Variants in KCTD16 observed in about 807,000 individuals in gnomAD.
KCTD16 encodes the protein potassium channel tetramerization domain containing 16.
In KCTD16, 13 loss-of-function variants were observed where a neutral mutation model predicts 33.2. The observed-to-expected ratio is 0.39, with a 90% CI of 0.25 to 0.62. The LOEUF (loss-of-function observed/expected upper bound fraction) is 0.62, where lower values mean the gene tolerates loss of function less well. KCTD16 is among the 20% of genes least tolerant of loss of function. KCTD16 has a pLI of 0.50. For synonymous variants in KCTD16, 197 were observed against 195.3 expected, an observed-to-expected ratio of 1.01 and a Z score of -0.07; for missense variants, 441 against 525.1, an observed-to-expected ratio of 0.84 and a Z score of 1.57.
At chr5:144,430,143 T>A (rs1421045881) in intron 3 of KCTD16, among the ~76,000 whole-genome samples, 2 of 152,140 alleles carry the variant, frequency 1.3e-5, no homozygotes, top group African/African-American at 4.8e-5. Context: ...GTCATTGTTT[T>A]TTCTTAACAA....
At chr5:144,399,309 A>G (rs2126944816) in intron 3 of KCTD16, among the ~76,000 whole-genome samples, 1 of 152,244 alleles carries the variant, frequency 6.6e-6, no homozygotes, top group African/African-American at 2.4e-5. Flanking sequence ...GCCTACCATT[A>G]ACTAATGTTT....
intron 3 of KCTD16, among the ~76,000 whole-genome samples, chr5:144,458,259 C>T (rs1754116456): frequency 6.6e-6 from 1 of 152,144 alleles, no homozygotes; most frequent in African/African-American, 2.4e-5. Context: ...TTCAGTAACT[C>T]GTTCAGGTCA....
At chr5:144,272,927 T>G (rs1322425830) in intron 3 of KCTD16, among the ~76,000 whole-genome samples, 2 of 152,050 alleles carry the variant, frequency 1.3e-5, no homozygotes, top group Non-Finnish European at 2.9e-5. Flanking sequence ...TGGGCAAATA[T>G]TTTTTGGGCA....
rs534819724 is a variant in KCTD16, at chr5:144,306,494, G to A, written c.832+98948G>A. Among the ~76,000 whole-genome samples the A allele has an allele frequency of 2.0e-5, 3 of 152,310 alleles. No individual in the cohort carries two copies. In the South Asian group the frequency reaches 6.2e-4, roughly 32 times the overall value. On this transcript the variant is annotated intron_variant, in intron 3 of 3. Coordinates refer to ENST00000512467, the MANE Select transcript of KCTD16 (RefSeq NM_020768.4). Reference sequence around the variant, plus strand: ...ACCACTGGTGGAGCTAAGCTCAAGGGCCAGGAAGTACACATCCCACTTTAT... The same window carrying A: ...ACCACTGGTGGAGCTAAGCTCAAGGACCAGGAAGTACACATCCCACTTTAT...
intron 3 of KCTD16, among the ~76,000 whole-genome samples, chr5:144,472,496 G>T (rs1195748651): frequency 6.6e-6 from 1 of 152,108 alleles, no homozygotes; most frequent in Non-Finnish European, 1.5e-5. Context: ...GGGAGAAGAG[G>T]AACTCATATT....
chr5:144,201,504 A>ATTTTAAACCAC (rs1234275209), intron 2 of KCTD16, among the ~76,000 whole-genome samples: 1 of 152,230 alleles, frequency 6.6e-6, no homozygotes, highest in Non-Finnish European at 1.5e-5. Context: ...GAATACAGAT[A>ATTTTAAACCAC]TTTTAAACCA....
intron 3 of KCTD16, among the ~76,000 whole-genome samples, chr5:144,415,819 A>ACT (rs1753035688): frequency 6.6e-6 from 1 of 152,182 alleles, no homozygotes; most frequent in Non-Finnish European, 1.5e-5. Flanking sequence ...AAACAATACC[A>ACT]AGGAATAGGA....
intron 3 of KCTD16, among the ~76,000 whole-genome samples, chr5:144,365,190 C>G (rs1751805048): frequency 3.3e-5 from 5 of 152,002 alleles, no homozygotes; most frequent in Admixed American, 3.3e-4. Flanking sequence ...GTGAGATATT[C>G]TTTCTAGAAG....
intron 3 of KCTD16, among the ~76,000 whole-genome samples, chr5:144,407,189 A>T (rs900815517): frequency 3.9e-5 from 5 of 127,070 alleles, no homozygotes; most frequent in Non-Finnish European, 6.4e-5. Flanking sequence ...ATCTTTTTTT[A>T]AAAAAATTCC....
intron 3 of KCTD16, among the ~76,000 whole-genome samples, chr5:144,269,835 C>A (rs1561548814): frequency 1.3e-5 from 2 of 151,870 alleles, no homozygotes. Flanking sequence ...GTGACCTCAG[C>A]AATTCAAAGA....
In KCTD16 at chr5:144,207,084, C is replaced by A; in HGVS notation, c.370C>A (p.Pro124Thr). 1.2e-6 allele frequency: 2 copies of A among 1,611,754 alleles called. No individual in the cohort carries two copies. The highest frequency in any genetic ancestry group is 1.7e-6 in the Non-Finnish European group (2 of 1,179,104). The change falls in exon 3 of 4, where the codon CCC (proline) becomes ACC (threonine). Residue 124 changes from proline to threonine, a missense_variant. By Grantham distance (38) the Pro-to-Thr change is conservative (BLOSUM62 -1). Coordinates refer to ENST00000512467, the MANE Select transcript of KCTD16 (RefSeq NM_020768.4). ...CCCAGACTTGGTCAAACTCCTGACC[C>A]CCGATGAAATCAAGCAAAGCCCAGA... is the stretch of plus-strand genomic sequence containing the variant. Reference protein sequence around the residue: ...QLPDLVKLLTPDEIKQSPDEF... With the variant: ...QLPDLVKLLTTDEIKQSPDEF...
intron 3 of KCTD16, among the ~76,000 whole-genome samples, chr5:144,386,323 C>T (rs1752323624): frequency 6.6e-6 from 1 of 152,096 alleles, no homozygotes; most frequent in Non-Finnish European, 1.5e-5. Flanking sequence ...CAGGGAACCC[C>T]AAATACTTTC....
chr5:144,204,256 AAAATAGC>A (rs1159118124), intron 2 of KCTD16, among the ~76,000 whole-genome samples: 2 of 152,236 alleles, frequency 1.3e-5, no homozygotes, highest in Admixed American at 1.3e-4. Flanking sequence ...TCACTTTTTA[AAAATAGC>A]AATTGTTTGG....
chr5:144,205,869 T>A (rs1400529727), intron 2 of KCTD16: 2 of 278,630 alleles, frequency 7.2e-6, no homozygotes, highest in Admixed American at 5.3e-5. Context: ...TGCATATATA[T>A]AATAGTTATT....
At chr5:144,366,833 G>T (rs563389032) in intron 3 of KCTD16, among the ~76,000 whole-genome samples, 5 of 152,326 alleles carry the variant, frequency 3.3e-5, no homozygotes, top group African/African-American at 1.2e-4. Flanking sequence ...GGATGATGCC[G>T]ATCAGATCCA....
At chr5:144,404,291 G>C (rs146086673) in intron 3 of KCTD16, among the ~76,000 whole-genome samples, 2 of 152,174 alleles carry the variant, frequency 1.3e-5, no homozygotes, top group Non-Finnish European at 2.9e-5. Context: ...AAAGAGAATA[G>C]TTTAATACCA....
At chr5:144,446,124 G>C (rs550902146) in intron 3 of KCTD16, among the ~76,000 whole-genome samples, 1 of 151,770 alleles carries the variant, frequency 6.6e-6, no homozygotes, top group Non-Finnish European at 1.5e-5. Flanking sequence ...GGGATACTTT[G>C]TCAGCTAATT....
intron 3 of KCTD16, among the ~76,000 whole-genome samples, chr5:144,365,787 A>G (rs1316649313): frequency 6.6e-6 from 1 of 152,164 alleles, no homozygotes; most frequent in Non-Finnish European, 1.5e-5. Flanking sequence ...TAGAGAACTT[A>G]TTTATTTATT....
chr5:144,409,184 T>C (rs899623186), intron 3 of KCTD16, among the ~76,000 whole-genome samples: 2 of 152,212 alleles, frequency 1.3e-5, no homozygotes, highest in Admixed American at 1.3e-4. Flanking sequence ...CAGAGTTAGT[T>C]CCTAGAACTG....
Sources: allele counts gnomAD v4.1 joint callset (sites outside exome capture counted in the v4.1 genomes callset), GRCh38; gene constraint gnomAD v4.1.1; transcripts MANE v1.5; gene names NCBI Gene and HGNC (gene_info 2026-07-23, HGNC 2026-07-21).